The following WIPI1 variants were observed in gnomAD, a reference collection of about 807,000 sequenced individuals.
WIPI1 encodes WD repeat domain, phosphoinositide interacting 1.
A neutral mutation model predicts 55.3 loss-of-function variants in WIPI1; 45 were observed. The observed-to-expected ratio is 0.81, with a 90% CI of 0.64 to 1.04. The LOEUF is 1.04. WIPI1 is among the 50% of genes least tolerant of loss of function. WIPI1 has a pLI of 0.00. For missense variants in WIPI1, 445 were observed against 559.0 expected, an observed-to-expected ratio of 0.80 and a Z score of 2.06; for synonymous variants, 195 against 217.6, an observed-to-expected ratio of 0.90 and a Z score of 0.92.
intron 3 of WIPI1, 80 bp downstream of exon 3, chr17:68,450,648 T>C: frequency 6.7e-7 from 1 of 1,503,412 alleles, no homozygotes. Flanking sequence ...TTTACAGACA[T>C]TGATCTTGAA....
In WIPI1 at chr17:68,434,584, G is replaced by A. The variant is rs1410312548; in HGVS notation, c.664C>T (p.Leu222Phe). 6.2e-7 allele frequency: 1 copy of A among 1,614,042 alleles called. No homozygotes were observed. Residue 222 changes from leucine to phenylalanine, a missense_variant, in exon 7 of 13, where the codon CTC becomes TTC. Physicochemically the swap from Leu to Phe is conservative, Grantham distance 22. Transcript: ENST00000262139. The part of the protein sequence containing the change: ...RVFSVPDGQK[L>F]YEFRRGMKRY... ...TTCATCCCTCTCCGGAACTCATAGA[G>A]CTTTTGCCCATCAGGGACAGAGAAC...
At chr17:68,427,102 A>C in intron 11 of WIPI1, 33 bp downstream of exon 11, 2 of 1,559,554 alleles carry the variant, frequency 1.3e-6, no homozygotes, top group African/African-American at 1.4e-5. Context: ...TCACTGTTGG[A>C]GATGCTCCCC....
At chr17:68,450,397 G>A (rs762510800) in intron 3 of WIPI1, among the ~76,000 whole-genome samples, 22 of 152,172 alleles carry the variant, frequency 1.4e-4, no homozygotes, top group Non-Finnish European at 3.2e-4. Context: ...TCTGATTTAA[G>A]GTGCTCTTGC....
At chr17:68,448,423 G>C (rs1176520442) in intron 3 of WIPI1, 1 of 152,188 alleles carries the variant, frequency 6.6e-6, no homozygotes, top group Non-Finnish European at 1.5e-5. Context: ...TCCGAGAACT[G>C]TTAGATCTTG....
intron 12 of WIPI1, among the ~76,000 whole-genome samples, chr17:68,422,969 C>A (rs1295611035): frequency 1.3e-5 from 2 of 152,120 alleles, no homozygotes; most frequent in Non-Finnish European, 2.9e-5. Flanking sequence ...CCCAAGGAGG[C>A]AAGCGTGATC....
chr17:68,433,778 T>TTTG (rs1568633034), intron 7 of WIPI1, among the ~76,000 whole-genome samples: 2 of 65,802 alleles, frequency 3.0e-5, no homozygotes, highest in African/African-American at 9.3e-5. Context: ...TTTTTTTTTT[T>TTTG]TTTTTTTTTT....
intron 4 of WIPI1, chr17:68,441,209 C>T (rs2084061121): frequency 6.6e-6 from 1 of 152,206 alleles, no homozygotes. Context: ...ACTTCGAGCC[C>T]CTGTCTGGCC....
chr17:68,444,900 C>G lies in WIPI1; in HGVS notation c.334-311G>C, dbSNP rs567113046. On this transcript the variant is annotated intron_variant, in intron 3 of 12. Coordinates refer to ENST00000262139, the MANE Select transcript of WIPI1 (RefSeq NM_017983.7). Reference sequence around the variant, plus strand: ...CTTCCTTCTCCTTCTTTCCTTAGAACAGGGATCCTGAACACTTTTTTTTTT... The same window carrying G: ...CTTCCTTCTCCTTCTTTCCTTAGAAGAGGGATCCTGAACACTTTTTTTTTT... 2.2e-3 allele frequency among the ~76,000 whole-genome samples: 328 copies of G among 148,090 alleles called. 2 individuals are homozygous for G. The highest frequency in any genetic ancestry group is 3.8e-3 in the Non-Finnish European group (255 of 67,354).
intron 5 of WIPI1, 74 bp from the exon 6 acceptor site, chr17:68,435,786 T>C: frequency 7.4e-7 from 1 of 1,356,004 alleles, no homozygotes. Flanking sequence ...CTCCCCTTCC[T>C]CTTTTCTCCT....
At chr17:68,421,955 C>A in intron 12 of WIPI1, 135 bp from the exon 13 acceptor site, 1 of 1,041,092 alleles carries the variant, frequency 9.6e-7, no homozygotes, top group Non-Finnish European at 1.5e-6. Flanking sequence ...TGTCTGAACT[C>A]GCTCATGGCC....
intron 3 of WIPI1, among the ~76,000 whole-genome samples, chr17:68,446,630 C>T (rs1303061376): frequency 6.6e-6 from 1 of 152,190 alleles, no homozygotes; most frequent in African/African-American, 2.4e-5. Context: ...GTGCCTTTTG[C>T]CAGCACATGC....
chr17:68,440,955 G>T (rs2084049297), intron 4 of WIPI1: 1 of 152,182 alleles, frequency 6.6e-6, no homozygotes, highest in African/African-American at 2.4e-5. Flanking sequence ...CTACAAAAGG[G>T]AAGCATTTAT....
Position 68,429,060 on chromosome 17 carries a change from A to G in WIPI1, c.966-124T>C, listed in dbSNP as rs141055224. 443 of 700,274 alleles carry G rather than the reference A, an allele frequency of 6.3e-4. No homozygotes were observed. The African/African-American group carries it at 7.3e-3, about 12-fold the overall frequency. The allele number at this position is 700,274 out of a possible 1,614,324, so 43.4% of individuals were successfully genotyped here. A position where few individuals can be genotyped will look rare whatever the true frequency, so the allele number is the denominator to read the frequency against. Reference sequence around the variant, plus strand: ...TCTGCCTTTGACAAACCCTTAGCCCACTGATCTGGTCTGGGCTTCTGGCTA... The same window carrying G: ...TCTGCCTTTGACAAACCCTTAGCCCGCTGATCTGGTCTGGGCTTCTGGCTA... On this transcript the variant is annotated intron_variant, in intron 9 of 12. Coordinates refer to ENST00000262139, the MANE Select transcript of WIPI1 (RefSeq NM_017983.7).
intron 11 of WIPI1, 79 bp from the exon 12 acceptor site, chr17:68,426,254 G>GGGGGCCCCCCCCCCCCCCCC: frequency 1.2e-6 from 1 of 816,922 alleles, no homozygotes. Context: ...GGGAGCGGGG[G>GGGGGCCCCCCCCCCCCCCCC]CTCAAATAAA....
intron 6 of WIPI1, 84 bp downstream of exon 6, chr17:68,435,536 C>T (rs2083741031): frequency 7.5e-7 from 1 of 1,335,460 alleles, no homozygotes; most frequent in African/African-American, 1.4e-5. Context: ...CTTCATGTCA[C>T]CAGGTTTGTT....
intron 1 of WIPI1, among the ~76,000 whole-genome samples, chr17:68,454,122 G>A (rs1337471431): frequency 6.6e-6 from 1 of 152,194 alleles, no homozygotes; most frequent in Non-Finnish European, 1.5e-5. Context: ...AAGACAGGAC[G>A]TGAATCCAGA....
In WIPI1 at chr17:68,423,115, G is replaced by A. The variant is rs1244050500; in HGVS notation, c.1294-1295C>T. On this transcript the variant is annotated intron_variant, in intron 12 of 12. Coordinates refer to ENST00000262139, the MANE Select transcript of WIPI1 (RefSeq NM_017983.7). This position sits in a 1 kb window ranked among gnomAD's most constrained non-coding sequence, Gnocchi z 4.4. ...GTTTGTTCGTCACTACAAGAGAGGC[G>A]ATTTTAACCAAGCTGAGACTCCAAG... Among the ~76,000 whole-genome samples the A allele has an allele frequency of 1.3e-5, 2 of 152,150 alleles. No individual in the cohort carries two copies. Among genetic ancestry groups the A allele is most frequent in the African/African-American group, 4.8e-5 (2 of 41,432 alleles).
At chr17:68,424,084 C>T (rs577576072) in intron 12 of WIPI1, among the ~76,000 whole-genome samples, 3 of 152,240 alleles carry the variant, frequency 2.0e-5, no homozygotes, top group East Asian at 3.9e-4. Flanking sequence ...TGCAGAAGAA[C>T]GCCCTTTAAG....
chr17:68,435,530 A>G (rs532706394), intron 6 of WIPI1, 90 bp downstream of exon 6: 317 of 1,278,828 alleles, frequency 2.5e-4, no homozygotes, highest in Admixed American at 4.4e-4. Flanking sequence ...GTCAGTCTTC[A>G]TGTCACCAGG....
Sources: gnomAD v4.1 joint callset for allele counts (sites outside exome capture counted in the v4.1 genomes callset) on GRCh38, gnomAD v4.1.1 for gene constraint, Gnocchi (gnomAD v3.1) non-coding constraint, MANE v1.5 for transcripts, NCBI Gene and HGNC (gene_info 2026-07-23, HGNC 2026-07-21) for gene names.